The following CDH4 variants were observed in gnomAD, a reference collection of about 807,000 sequenced individuals.
The protein encoded by CDH4 is cadherin-4.
Under a neutral mutation model 86.0 loss-of-function variants are expected in CDH4, and 33 were observed. The ratio of observed to expected loss-of-function variants is 0.38; its 90% CI spans 0.29 to 0.51. The LOEUF is 0.51. Among genes scored for constraint, CDH4 ranks in the 20% least tolerant of loss-of-function variants. The probability of loss-of-function intolerance (pLI) is 0.86; values close to 1 mark genes in which losing one functional copy is unlikely to be tolerated. For synonymous variants in CDH4, 555 were observed against 549.4 expected (o/e 1.01, Z -0.14); for missense variants, 1,114 against 1,307.4 (o/e 0.85, Z 2.28).
At chr20:61,696,938 G>T (rs1313403866) in intron 2 of CDH4, among the ~76,000 whole-genome samples, 1 of 152,186 alleles carries the variant, frequency 6.6e-6, no homozygotes, top group Non-Finnish European at 1.5e-5. Context: ...AGAGAGTAAG[G>T]CCGCAAGAAG....
chr20:61,762,970 G>A (rs6061350), intron 3 of CDH4, among the ~76,000 whole-genome samples: 45,009 of 152,094 alleles, frequency 0.3, 6,835 homozygotes, highest in South Asian at 0.38. Flanking sequence ...CATTCCCATA[G>A]ATGCTTTTGT....
At chr20:61,789,700 C>A (rs143352974) in intron 4 of CDH4, among the ~76,000 whole-genome samples, 9 of 152,230 alleles carry the variant, frequency 5.9e-5, no homozygotes, top group Non-Finnish European at 4.4e-5. Context: ...CCCAGCAAAC[C>A]GACATGCAGG....
intron 2 of CDH4, among the ~76,000 whole-genome samples, chr20:61,527,235 C>T (rs1401048865): frequency 6.6e-6 from 1 of 152,154 alleles, no homozygotes; most frequent in African/African-American, 2.4e-5. Flanking sequence ...AAGGTAAACA[C>T]CAGTTTTTAA....
rs770502860 is a variant in CDH4, at chr20:61,934,168, C to G, written c.2492C>G (p.Pro831Arg). Residue 831 changes from proline to arginine, a missense_variant, in exon 15 of 16, where the codon CCG (proline) becomes CGG (arginine). Coordinates refer to ENST00000614565, the MANE Select transcript of CDH4 (RefSeq NM_001794.5). ...CCGGTGGGCGCTGAGCCCCAGTACC[C>G]GATCAGGCCCATGGTGCCGCACCCA... ...ERPVGAEPQY[P>R]IRPMVPHPGD... The G allele has an allele frequency of 6.2e-6, 10 of 1,605,560 alleles. No homozygotes were observed. The East Asian group carries it at 2.2e-4, about 36-fold the overall frequency.
At chr20:61,833,432 T>A (rs1981718386) in intron 4 of CDH4, among the ~76,000 whole-genome samples, 1 of 152,118 alleles carries the variant, frequency 6.6e-6, no homozygotes, top group African/African-American at 2.4e-5. Context: ...ACAGCAAACA[T>A]AGTATTCCGG....
intron 4 of CDH4, among the ~76,000 whole-genome samples, chr20:61,841,701 G>C (rs6061856): frequency 6.6e-6 from 1 of 151,950 alleles, no homozygotes; most frequent in Non-Finnish European, 1.5e-5. Context: ...TGCATTGCGG[G>C]GGGGAACAAA....
chr20:61,934,289 A>G, intron 15 of CDH4, 69 bp downstream of exon 15: 2 of 1,462,758 alleles, frequency 1.4e-6, no homozygotes, highest in Middle Eastern at 1.8e-4. Flanking sequence ...CTGGTAACAC[A>G]CACAGAAGCC....
At chr20:61,932,405 C>T (rs532381045) in intron 13 of CDH4, among the ~76,000 whole-genome samples, 7 of 152,338 alleles carry the variant, frequency 4.6e-5, no homozygotes, top group South Asian at 4.1e-4. Context: ...CTCATGCACA[C>T]GCACACAGGC....
At chr20:61,883,950 G>A (rs902708876) in intron 7 of CDH4, among the ~76,000 whole-genome samples, 8 of 152,318 alleles carry the variant, frequency 5.3e-5, no homozygotes, top group East Asian at 1.9e-4. Flanking sequence ...CCCAACCCCC[G>A]TGTGGTGGGT....
chr20:61,489,712 C>G (rs2085615651), intron 2 of CDH4, among the ~76,000 whole-genome samples: 1 of 152,168 alleles, frequency 6.6e-6, no homozygotes, highest in Non-Finnish European at 1.5e-5. Flanking sequence ...CTCAGCAGTC[C>G]TAGGAAGATG....
intron 2 of CDH4, among the ~76,000 whole-genome samples, chr20:61,422,889 TTGTCAGG>T (rs2085187885): frequency 6.6e-6 from 1 of 152,144 alleles, no homozygotes; most frequent in East Asian, 1.9e-4. Context: ...CCCCGCCCTC[TTGTCAGG>T]TGTCAGGTGT....
At position 61,924,401 on chromosome 20, in the gene CDH4, G is replaced by A; in HGVS notation, c.1696G>A (p.Ala566Thr). 6.2e-7 allele frequency: 1 copy of A among 1,613,936 alleles called. No homozygotes were observed. Among genetic ancestry groups the A allele is most frequent in the East Asian group, 2.2e-5 (1 of 44,854 alleles). The change falls in exon 11 of 16, where the codon GCG becomes ACG. Residue 566 changes from alanine to threonine, a missense_variant. This residue lies in a region of CDH4 where 705 missense variants were observed against 914.1 expected (regional missense o/e 0.77). Coordinates refer to ENST00000614565, the MANE Select transcript of CDH4 (RefSeq NM_001794.5). ...TGCCACCAACGGCCAGATCACCACG[G>A]CGGCAGTGCTGGACCGTGAGTCCCT... ...INATNGQITT[A>T]AVLDRESLYT...
At chr20:61,310,645 G>A (rs2084440538) in intron 2 of CDH4, among the ~76,000 whole-genome samples, 2 of 152,168 alleles carry the variant, frequency 1.3e-5, no homozygotes. Context: ...TGGGTCTGCA[G>A]CCCCGGGGTT....
intron 2 of CDH4, among the ~76,000 whole-genome samples, chr20:61,504,069 G>A (rs748503008): frequency 3.3e-5 from 5 of 152,196 alleles, no homozygotes; most frequent in Non-Finnish European, 5.9e-5. Flanking sequence ...TTGTTGGACC[G>A]AGGCACGCCT....
chr20:61,423,638 T>G (rs372293871), intron 2 of CDH4, among the ~76,000 whole-genome samples: 33 of 152,130 alleles, frequency 2.2e-4, no homozygotes, highest in African/African-American at 6.8e-4. Context: ...TGTTCATGAC[T>G]GTATTGCGTC....
intron 4 of CDH4, among the ~76,000 whole-genome samples, chr20:61,814,882 G>A (rs1568830653): frequency 6.6e-6 from 1 of 152,172 alleles, no homozygotes; most frequent in Non-Finnish European, 1.5e-5. Context: ...AGGTGCTGAG[G>A]CCCAGTCTCC....
At chr20:61,701,977 G>T (rs2087781589) in intron 2 of CDH4, among the ~76,000 whole-genome samples, 1 of 152,232 alleles carries the variant, frequency 6.6e-6, no homozygotes, top group African/African-American at 2.4e-5. Flanking sequence ...TCCTTCGTCA[G>T]CTGATTAGCT....
intron 8 of CDH4, among the ~76,000 whole-genome samples, chr20:61,905,844 T>C (rs1037056917): frequency 6.6e-6 from 1 of 151,912 alleles, no homozygotes; most frequent in Non-Finnish European, 1.5e-5. Flanking sequence ...GCCTCACTAA[T>C]GACCACTATG....
rs2085153070 is a variant in CDH4, at chr20:61,417,446, G to C, written c.169+162509G>C. Among the ~76,000 whole-genome samples, 1 of 152,122 alleles carries C rather than the reference G, an allele frequency of 6.6e-6. No homozygotes were observed. The highest frequency in any genetic ancestry group is 2.1e-4 in the South Asian group (1 of 4,828). ...GGGGTGTGGGGCCCGAGTGCCAGCTGTTTCCTCTAAAAATATCACCCACGT... is the reference window on the plus strand; with the variant it reads ...GGGGTGTGGGGCCCGAGTGCCAGCTCTTTCCTCTAAAAATATCACCCACGT... On this transcript the variant is annotated intron_variant, in intron 2 of 15. Coordinates refer to ENST00000614565, the MANE Select transcript of CDH4 (RefSeq NM_001794.5). This position sits in a 1 kb window ranked among gnomAD's most constrained non-coding sequence, Gnocchi z 4.0.
Sources: allele counts gnomAD v4.1 joint callset (sites outside exome capture counted in the v4.1 genomes callset), GRCh38; gene constraint gnomAD v4.1.1; regional missense constraint gnomAD v4.1.1; non-coding constraint Gnocchi (gnomAD v3.1); transcripts MANE v1.5; gene names NCBI Gene and HGNC (gene_info 2026-07-23, HGNC 2026-07-21).